Variants in FGF12 observed in about 807,000 individuals in gnomAD.
FGF12 encodes fibroblast growth factor 12B.
Under a neutral mutation model 23.6 loss-of-function variants are expected in FGF12, and 14 were observed. The observed-to-expected ratio is 0.59, with a 90% CI of 0.39 to 0.93. The LOEUF is 0.93. Among genes scored for constraint, FGF12 ranks in the 40% least tolerant of loss-of-function variants. The probability of loss-of-function intolerance (pLI) is 0.00; values close to 1 mark genes in which losing one functional copy is unlikely to be tolerated. For synonymous variants in FGF12, 62 were observed against 77.3 expected, an observed-to-expected ratio of 0.80 and a Z score of 1.04; for missense variants, 175 against 217.8, an observed-to-expected ratio of 0.80 and a Z score of 1.24.
intron 2 of FGF12, among the ~76,000 whole-genome samples, chr3:192,369,349 C>T (rs1297866612): frequency 1.3e-5 from 2 of 152,212 alleles, no homozygotes; most frequent in African/African-American, 4.8e-5. Context: ...GCACACTGAA[C>T]ACAGTCTGAC....
chr3:192,581,014 G>T (rs1713111736), intron 2 of FGF12, among the ~76,000 whole-genome samples: 1 of 152,148 alleles, frequency 6.6e-6, no homozygotes, highest in South Asian at 2.1e-4. Context: ...ACAGCAATTT[G>T]AGATGAAGGA....
intron 2 of FGF12, among the ~76,000 whole-genome samples, chr3:192,579,622 T>C (rs1210690073): frequency 6.6e-6 from 1 of 152,160 alleles, no homozygotes; most frequent in African/African-American, 2.4e-5. Context: ...GGCATGATCT[T>C]GGCTCACTGC....
In FGF12 at chr3:192,311,927, G is replaced by GTCTATCTATCTATCTA. The variant is rs35183560; in HGVS notation, c.228+23418_228+23433dup. 4.0e-3 allele frequency among the ~76,000 whole-genome samples: 587 copies of GTCTATCTATCTATCTA among 145,454 alleles called. 3 individuals carry two copies. Among genetic ancestry groups the GTCTATCTATCTATCTA allele is most frequent in the East Asian group, 4.0e-3 (20 of 4,958 alleles). ...CATTTCACATTGCTATTGACTGTCTGTCTATCTATCTATCTATCTATCTAT... is the reference window on the plus strand; with the variant it reads ...CATTTCACATTGCTATTGACTGTCTGTCTATCTATCTATCTATCTATCTATCTATCTATCTATCTAT... On this transcript the variant is annotated intron_variant, in intron 4 of 5. Coordinates refer to ENST00000445105, the MANE Select transcript of FGF12 (RefSeq NM_004113.6).
At chr3:192,500,037 T>C (rs1335233798) in intron 2 of FGF12, among the ~76,000 whole-genome samples, 1 of 152,126 alleles carries the variant, frequency 6.6e-6, no homozygotes, top group Non-Finnish European at 1.5e-5. Flanking sequence ...ATTCATGAGG[T>C]GAGAAGATCA....
At chr3:192,253,738 G>GCTTT (rs1712189869) in intron 4 of FGF12, among the ~76,000 whole-genome samples, 1 of 151,988 alleles carries the variant, frequency 6.6e-6, no homozygotes, top group South Asian at 2.1e-4. Flanking sequence ...GGCATAAAAA[G>GCTTT]ATGCAGGAAA....
chr3:192,476,004 C>T (rs11914400), intron 2 of FGF12, among the ~76,000 whole-genome samples: 38,839 of 151,918 alleles, frequency 0.26, 9,152 homozygotes, highest in African/African-American at 0.63. Flanking sequence ...GCCTAGCCCA[C>T]TCAGCAAAGA....
chr3:192,388,989 CT>C (rs1403847144), intron 2 of FGF12, among the ~76,000 whole-genome samples: 8 of 151,988 alleles, frequency 5.3e-5, no homozygotes, highest in African/African-American at 1.9e-4. Context: ...AAAAAGGAAA[CT>C]AAGGTAACCA....
At chr3:192,266,112 CA>C (rs957072044) in intron 4 of FGF12, among the ~76,000 whole-genome samples, 1 of 152,104 alleles carries the variant, frequency 6.6e-6, no homozygotes, top group African/African-American at 2.4e-5. Flanking sequence ...CCTTCGAAGG[CA>C]AAACAAAATA....
intron 2 of FGF12, among the ~76,000 whole-genome samples, chr3:192,546,704 C>CA (rs1282903212): frequency 8.2e-6 from 1 of 122,074 alleles, no homozygotes; most frequent in Non-Finnish European, 1.6e-5. Flanking sequence ...CTTTTATTGA[C>CA]AAATGAGTGA....
chr3:192,194,404 T>A (rs1346584803), intron 4 of FGF12, among the ~76,000 whole-genome samples: 1 of 152,178 alleles, frequency 6.6e-6, no homozygotes, highest in Non-Finnish European at 1.5e-5. Flanking sequence ...CTCTGGAGAT[T>A]CTCATTTCTC....
At chr3:192,372,999 T>TTCAAG (rs1719304425) in intron 2 of FGF12, among the ~76,000 whole-genome samples, 3 of 152,326 alleles carry the variant, frequency 2.0e-5, no homozygotes, top group Admixed American at 2.0e-4. Flanking sequence ...CTGAAATAAA[T>TTCAAG]TCAAGTCACT....
chr3:192,439,157 A>G (rs1722119472), intron 2 of FGF12, among the ~76,000 whole-genome samples: 1 of 152,226 alleles, frequency 6.6e-6, no homozygotes, highest in South Asian at 2.1e-4. Flanking sequence ...GGAATTTAAA[A>G]TTGCCTAAAG....
At chr3:192,248,792 C>A (rs994635348) in intron 4 of FGF12, among the ~76,000 whole-genome samples, 1 of 151,946 alleles carries the variant, frequency 6.6e-6, no homozygotes, top group Non-Finnish European at 1.5e-5. Flanking sequence ...AATAAATACA[C>A]AAATATATAA....
At chr3:192,145,497 T>C (rs2108578184) in intron 5 of FGF12, among the ~76,000 whole-genome samples, 1 of 152,292 alleles carries the variant, frequency 6.6e-6, no homozygotes, top group Admixed American at 6.5e-5. Flanking sequence ...AAAATGCAGA[T>C]TATGAATCAG....
Position 192,243,846 on chromosome 3 carries a change from C to T in FGF12, c.229-73190G>A, listed in dbSNP as rs570674024. On this transcript the variant is annotated intron_variant, in intron 4 of 5. Transcript: ENST00000445105. ...GAAGCATTTGCAAGGGCTAACTTTCCGAATATAAAAGGGTTCCTTCAGAAA... is the reference window on the plus strand; with the variant it reads ...GAAGCATTTGCAAGGGCTAACTTTCTGAATATAAAAGGGTTCCTTCAGAAA... Among the ~76,000 whole-genome samples, 15 of 151,902 alleles carry T rather than the reference C, an allele frequency of 9.9e-5. No homozygotes were observed. The South Asian group carries it at 1.9e-3, about 19-fold the overall frequency.
chr3:192,235,971 T>C (rs938610690), intron 4 of FGF12, among the ~76,000 whole-genome samples: 1 of 152,220 alleles, frequency 6.6e-6, no homozygotes, highest in Admixed American at 6.5e-5. Context: ...TTCAGATCTT[T>C]CTAACTGCTT....
intron 2 of FGF12, among the ~76,000 whole-genome samples, chr3:192,387,665 G>T (rs113845208): frequency 6.6e-6 from 1 of 150,820 alleles, no homozygotes; most frequent in African/African-American, 2.4e-5. Context: ...TGGGCAATAT[G>T]GCAAAACCCC....
intron 2 of FGF12, among the ~76,000 whole-genome samples, chr3:192,631,276 G>A (rs1044582508): frequency 2.6e-5 from 4 of 152,116 alleles, no homozygotes; most frequent in South Asian, 2.1e-4. Context: ...TAGGTCCTAC[G>A]ACTCTGATGC....
chr3:192,289,036 C>G (rs538689254), intron 4 of FGF12, among the ~76,000 whole-genome samples: 8 of 152,014 alleles, frequency 5.3e-5, no homozygotes, highest in Non-Finnish European at 7.4e-5. Flanking sequence ...CTATTATCAC[C>G]AAGAAATCTT....
Sources: allele counts gnomAD v4.1 joint callset (sites outside exome capture counted in the v4.1 genomes callset), GRCh38; gene constraint gnomAD v4.1.1; transcripts MANE v1.5; gene names NCBI Gene and HGNC (gene_info 2026-07-23, HGNC 2026-07-21).